Variants in CNTN3 observed in about 807,000 individuals in gnomAD.
CNTN3 encodes the protein contactin-3.
Under a neutral mutation model 119.1 loss-of-function variants are expected in CNTN3, and 60 were observed. The ratio of observed to expected loss-of-function variants is 0.50; its 90% CI spans 0.41 to 0.62. The LOEUF is 0.62. CNTN3 is among the 20% of genes least tolerant of loss of function. The pLI, the probability that CNTN3 is intolerant of heterozygous loss-of-function variation, is 0.00. For missense variants in CNTN3, 1,101 were observed against 1,242.4 expected (o/e 0.89, Z 1.71); for synonymous variants, 450 against 438.7 (o/e 1.03, Z -0.32).
chr3:74,518,356 G>A (rs1228305001), intron 2 of CNTN3, among the ~76,000 whole-genome samples: 2 of 151,972 alleles, frequency 1.3e-5, no homozygotes, highest in Non-Finnish European at 2.9e-5. Flanking sequence ...TAGAGGGGAT[G>A]ATTTGAAATA....
chr3:74,586,667 C>G (rs1474071860), intron 1 of CNTN3, among the ~76,000 whole-genome samples: 4 of 152,022 alleles, frequency 2.6e-5, no homozygotes, highest in Non-Finnish European at 5.9e-5. Flanking sequence ...GAGTTGGTTA[C>G]AGCATTCAGT....
intron 3 of CNTN3, among the ~76,000 whole-genome samples, chr3:74,489,884 C>T (rs1192421132): frequency 2.0e-5 from 3 of 152,188 alleles, no homozygotes; most frequent in East Asian, 3.9e-4. Flanking sequence ...CAGCTCAGTG[C>T]TTCCACAGGG....
chr3:74,443,204 C>A (rs1402137858), intron 4 of CNTN3, among the ~76,000 whole-genome samples: 1 of 152,156 alleles, frequency 6.6e-6, no homozygotes, highest in Non-Finnish European at 1.5e-5. Flanking sequence ...CCACCAGAGA[C>A]AGCTGTAATT....
intron 20 of CNTN3, among the ~76,000 whole-genome samples, chr3:74,280,612 T>G (rs1251327548): frequency 6.6e-6 from 1 of 152,186 alleles, no homozygotes; most frequent in Non-Finnish European, 1.5e-5. Context: ...AGAACTTGGT[T>G]AGAGTGATGC....
chr3:74,340,632 A>G (rs561858868), intron 11 of CNTN3, among the ~76,000 whole-genome samples: 85 of 152,194 alleles, frequency 5.6e-4, no homozygotes, highest in Admixed American at 3.3e-3. Context: ...GAATTTTAAT[A>G]TGCAAAGACC....
At chr3:74,589,626 T>C (rs1237719205) in intron 1 of CNTN3, among the ~76,000 whole-genome samples, 7 of 145,588 alleles carry the variant, frequency 4.8e-5, no homozygotes, top group Admixed American at 4.1e-4. Flanking sequence ...CAAAGGACTA[T>C]AAATCATGCT....
chr3:74,367,571 G>C (rs1431197656), intron 8 of CNTN3, among the ~76,000 whole-genome samples: 2 of 151,928 alleles, frequency 1.3e-5, no homozygotes, highest in African/African-American at 4.8e-5. Context: ...GAGAAAGGAA[G>C]GATGAGTAAC....
intron 5 of CNTN3, among the ~76,000 whole-genome samples, chr3:74,371,810 A>G (rs1559568700): frequency 6.6e-6 from 1 of 152,116 alleles, no homozygotes; most frequent in Non-Finnish European, 1.5e-5. Flanking sequence ...GCTTAACCTG[A>G]ATATGAGGCC....
intron 13 of CNTN3, among the ~76,000 whole-genome samples, chr3:74,319,275 G>T (rs1185317422): frequency 3.9e-5 from 6 of 152,090 alleles, no homozygotes; most frequent in Non-Finnish European, 8.8e-5. Flanking sequence ...ATACTACAAG[G>T]CTACAGTAAC....
At chr3:74,380,498 T>C (rs894031380) in intron 5 of CNTN3, among the ~76,000 whole-genome samples, 8 of 152,196 alleles carry the variant, frequency 5.3e-5, no homozygotes, top group African/African-American at 1.9e-4. Flanking sequence ...CTCATGGGAG[T>C]GCTAATTGTA....
At chr3:74,309,758 T>A (rs548694878) in intron 13 of CNTN3, among the ~76,000 whole-genome samples, 21 of 152,300 alleles carry the variant, frequency 1.4e-4, no homozygotes, top group Non-Finnish European at 2.8e-4. Context: ...CTAACTCTAA[T>A]AATCTAGGTA....
intron 1 of CNTN3, among the ~76,000 whole-genome samples, chr3:74,539,683 CCTT>C (rs1334287584): frequency 6.6e-6 from 1 of 152,094 alleles, no homozygotes; most frequent in African/African-American, 2.4e-5. Flanking sequence ...TGCTGGTTAT[CCTT>C]CTTTCCTATT....
chr3:74,600,027 T>C (rs1348833732), intron 1 of CNTN3, among the ~76,000 whole-genome samples: 3 of 151,882 alleles, frequency 2.0e-5, no homozygotes, highest in Non-Finnish European at 4.4e-5. Context: ...AAAGCACAGT[T>C]GGTTGATGAC....
At chr3:74,323,698 T>C (rs1257607813) in intron 13 of CNTN3, among the ~76,000 whole-genome samples, 2 of 152,240 alleles carry the variant, frequency 1.3e-5, no homozygotes, top group Admixed American at 1.3e-4. Flanking sequence ...CCTCATTTGA[T>C]ATGATTTATT....
chr3:74,610,605 A>C (rs1705065002), intron 1 of CNTN3, among the ~76,000 whole-genome samples: 2 of 152,278 alleles, frequency 1.3e-5, no homozygotes, highest in South Asian at 4.1e-4. Flanking sequence ...GAGTTCAATG[A>C]AAAGCCATTT....
chr3:74,535,090 A>G (rs2107140133), intron 1 of CNTN3, among the ~76,000 whole-genome samples: 1 of 152,230 alleles, frequency 6.6e-6, no homozygotes, highest in Non-Finnish European at 1.5e-5. Context: ...TCTCTAACTC[A>G]TTTTGAAGAG....
chr3:74,501,692 C>T (rs1395108034), intron 2 of CNTN3, among the ~76,000 whole-genome samples: 1 of 151,892 alleles, frequency 6.6e-6, no homozygotes, highest in Non-Finnish European at 1.5e-5. Context: ...TTAGCCCTTA[C>T]TAATCCCCAC....
chr3:74,488,240 G>C (rs188927301), intron 3 of CNTN3, among the ~76,000 whole-genome samples: 2 of 151,896 alleles, frequency 1.3e-5, no homozygotes, highest in Admixed American at 6.6e-5. Flanking sequence ...AGCCTCCAGA[G>C]TAGCTGGGAC....
chr3:74,325,672 C>A (rs1323397748), intron 13 of CNTN3, among the ~76,000 whole-genome samples: 2 of 152,152 alleles, frequency 1.3e-5, no homozygotes, highest in African/African-American at 4.8e-5. Flanking sequence ...AAAGAGCTAA[C>A]TTCTGTTGTC....
Sources: allele counts gnomAD v4.1 joint callset (sites outside exome capture counted in the v4.1 genomes callset), GRCh38; gene constraint gnomAD v4.1.1; transcripts MANE v1.5; gene names NCBI Gene and HGNC (gene_info 2026-07-23, HGNC 2026-07-21).